Variants in ERP44 observed in about 807,000 individuals in gnomAD.
ERP44 encodes endoplasmic reticulum protein 44.
Under a neutral mutation model 53.4 loss-of-function variants are expected in ERP44, and 25 were observed. The ratio of observed to expected loss-of-function variants is 0.47; its 90% CI spans 0.34 to 0.65. The LOEUF (loss-of-function observed/expected upper bound fraction) is 0.65. Among genes scored for constraint, ERP44 ranks in the 30% least tolerant of loss-of-function variants. The pLI is 0.01. For synonymous variants in ERP44, 145 were observed against 161.2 expected (o/e 0.90, Z 0.76); for missense variants, 338 against 493.2 (o/e 0.69, Z 2.98).
At chr9:100,069,244 C>T (rs1826272409) in intron 1 of ERP44, among the ~76,000 whole-genome samples, 1 of 151,100 alleles carries the variant, frequency 6.6e-6, no homozygotes, top group African/African-American at 2.4e-5. Flanking sequence ...GTCCTATGAC[C>T]CTGCCAAATC....
rs577880811 is a variant in ERP44 at position 100,098,775 on chromosome 9, C to T, written c.57+9G>A. 1 of 1,612,968 alleles carries T rather than the reference C, an allele frequency of 6.2e-7. No individual in the cohort carries two copies. Among genetic ancestry groups the T allele is most frequent in the South Asian group, 1.1e-5 (1 of 91,028 alleles). On this transcript the variant is annotated intron_variant, in intron 1 of 11. Coordinates refer to ENST00000262455, the MANE Select transcript of ERP44 (RefSeq NM_015051.3). ...CGTTTGTCGATGGGTCTGTCATTCC[C>T]TCACTCACCAGGAGCAGAAGGGAGC...
In ERP44 at chr9:100,098,863, G is replaced by A; in HGVS notation, c.-23C>T. The A allele has an allele frequency of 6.2e-7, 1 of 1,610,350 alleles. No homozygotes were observed. ...CATGGTAACGCTGGGGTCCGTGACAGGGACAGGCGCTGGCGGCTGGGACTG... is the reference window on the plus strand; with the variant it reads ...CATGGTAACGCTGGGGTCCGTGACAAGGACAGGCGCTGGCGGCTGGGACTG... On this transcript the variant is annotated 5_prime_UTR_variant, in exon 1 of 12. Coordinates refer to ENST00000262455, the MANE Select transcript of ERP44 (RefSeq NM_015051.3).
intron 10 of ERP44, among the ~76,000 whole-genome samples, chr9:100,006,091 A>G (rs976186269): frequency 6.6e-6 from 1 of 152,236 alleles, no homozygotes; most frequent in Non-Finnish European, 1.5e-5. Context: ...TGTTCTTGCT[A>G]TGTGAAGTCA....
chr9:99,988,167 T>C (rs1830215114), intron 10 of ERP44, among the ~76,000 whole-genome samples: 1 of 152,236 alleles, frequency 6.6e-6, no homozygotes, highest in African/African-American at 2.4e-5. Context: ...CTAAAAAATA[T>C]ATACTAATGA....
chr9:100,078,760 C>CA (rs1826387464), intron 1 of ERP44, among the ~76,000 whole-genome samples: 1 of 148,272 alleles, frequency 6.7e-6, no homozygotes, highest in Non-Finnish European at 1.5e-5. Context: ...TCTCAAAAAA[C>CA]AAAAAAAGAA....
intron 1 of ERP44, among the ~76,000 whole-genome samples, chr9:100,087,829 A>C (rs1366605003): frequency 6.6e-6 from 1 of 152,152 alleles, no homozygotes; most frequent in Non-Finnish European, 1.5e-5. Flanking sequence ...ACTATTAAAA[A>C]TCCATACGCA....
intron 10 of ERP44, among the ~76,000 whole-genome samples, chr9:99,989,637 C>T (rs1292208937): frequency 1.3e-5 from 2 of 152,196 alleles, no homozygotes; most frequent in Non-Finnish European, 2.9e-5. Flanking sequence ...CACCTCTTCT[C>T]CTCCAAAGGA....
chr9:99,979,603 T>C lies in ERP44; in HGVS notation c.*3009A>G. On this transcript the variant is annotated 3_prime_UTR_variant, in exon 12 of 12. Coordinates refer to ENST00000262455, the MANE Select transcript of ERP44 (RefSeq NM_015051.3). The stretch of plus-strand genomic sequence containing the variant: ...TCATCTAAAAGTTTCCATCCTTTTA[T>C]GGTCCCCCTCACAATTTGAAAAACT... 4.6e-6 allele frequency: 1 copy of C among 215,426 alleles called. No homozygotes were observed. Among genetic ancestry groups the C allele is most frequent in the Non-Finnish European group, 9.1e-6 (1 of 109,942 alleles). 13.3% of individuals were successfully genotyped at this position (215,426 alleles called of 1,614,324 possible).
chr9:100,081,354 G>A (rs994600721), intron 1 of ERP44, among the ~76,000 whole-genome samples: 5 of 152,052 alleles, frequency 3.3e-5, no homozygotes, highest in African/African-American at 1.2e-4. Flanking sequence ...TCTTTCAAAA[G>A]CTAACAGCAC....
chr9:100,041,747 T>C (rs1251491933), intron 4 of ERP44, among the ~76,000 whole-genome samples: 1 of 151,784 alleles, frequency 6.6e-6, no homozygotes, highest in Non-Finnish European at 1.5e-5. Flanking sequence ...CAGAAATAAA[T>C]CCATATATCT....
At chr9:100,085,504 C>T (rs1241332425) in intron 1 of ERP44, among the ~76,000 whole-genome samples, 1 of 152,156 alleles carries the variant, frequency 6.6e-6, no homozygotes, top group Admixed American at 6.5e-5. Flanking sequence ...AAAAACTATA[C>T]CCCCATGGAA....
chr9:100,043,765 A>C (rs936972852), intron 4 of ERP44, among the ~76,000 whole-genome samples: 4 of 152,132 alleles, frequency 2.6e-5, no homozygotes, highest in Non-Finnish European at 4.4e-5. Flanking sequence ...AAACAGAAAA[A>C]AAAAAAATTC....
chr9:100,032,449 C>CA (rs1471621987), intron 4 of ERP44, among the ~76,000 whole-genome samples: 1 of 152,032 alleles, frequency 6.6e-6, no homozygotes, highest in Non-Finnish European at 1.5e-5. Flanking sequence ...CCCCTAAAGT[C>CA]AAAAAATGAC....
At chr9:100,030,093 AAAG>A (rs1314963875) in intron 4 of ERP44, among the ~76,000 whole-genome samples, 5 of 152,206 alleles carry the variant, frequency 3.3e-5, no homozygotes, top group African/African-American at 1.2e-4. Context: ...TCTCAAAAAC[AAAG>A]AAAAAAGAAA....
At position 100,089,208 on chromosome 9, in the gene ERP44, A is replaced by G. The variant is rs1244673010; in HGVS notation, c.57+9576T>C. Among the ~76,000 whole-genome samples the G allele has an allele frequency of 3.3e-5, 5 of 152,168 alleles. No individual in the cohort carries two copies. In the East Asian group the frequency reaches 7.7e-4, roughly 23 times the overall value. The stretch of plus-strand genomic sequence containing the variant: ...TCAACTGTAGTGGTACTGGAATCAC[A>G]ATACTTGTGTTCAAAAACCCATACT... On this transcript the variant is annotated intron_variant, in intron 1 of 11. Transcript: ENST00000262455.
At chr9:100,075,376 G>A (rs1415469610) in intron 1 of ERP44, among the ~76,000 whole-genome samples, 1 of 152,212 alleles carries the variant, frequency 6.6e-6, no homozygotes, top group Non-Finnish European at 1.5e-5. Context: ...GAAGCTATTT[G>A]CCTTCAGCTG....
intron 4 of ERP44, among the ~76,000 whole-genome samples, chr9:100,049,521 G>C (rs7025300): frequency 6.6e-6 from 1 of 152,054 alleles, no homozygotes; most frequent in Non-Finnish European, 1.5e-5. Flanking sequence ...TATTCTCAAC[G>C]TCATTAATTA....
intron 6 of ERP44, 84 bp downstream of exon 6, chr9:100,020,522 TGGAAAGATCA>T: frequency 1.5e-6 from 1 of 670,820 alleles, no homozygotes; most frequent in Admixed American, 2.5e-5. Flanking sequence ...AGATCATTTT[TGGAAAGATCA>T]TCTTCAGGAA....
chr9:100,015,146 T>G (rs895996346), intron 8 of ERP44, among the ~76,000 whole-genome samples: 1 of 152,228 alleles, frequency 6.6e-6, no homozygotes, highest in Non-Finnish European at 1.5e-5. Context: ...ATATGAATAT[T>G]AGGACACACA....
Sources: gnomAD v4.1 joint callset for allele counts (sites outside exome capture counted in the v4.1 genomes callset) on GRCh38, gnomAD v4.1.1 for gene constraint, MANE v1.5 for transcripts, NCBI Gene and HGNC (gene_info 2026-07-23, HGNC 2026-07-21) for gene names.